TTC39A: variants seen among roughly 807,000 people sequenced by gnomAD.
TTC39A encodes tetratricopeptide repeat domain 39A.
A neutral mutation model predicts 82.3 loss-of-function variants in TTC39A; 46 were observed. The observed-to-expected ratio is 0.56, with a 90% CI of 0.44 to 0.71. TTC39A has a LOEUF of 0.71. Ranked by LOEUF, TTC39A falls within the 30% of genes least tolerant of loss-of-function variation. The pLI is 0.00. For synonymous variants in TTC39A, 254 were observed against 275.2 expected (o/e 0.92, Z 0.76); for missense variants, 543 against 712.9 (o/e 0.76, Z 2.71).
intron 7 of TTC39A, 123 bp from the exon 8 acceptor site, chr1:51,305,269 T>A: frequency 1.1e-6 from 1 of 888,960 alleles, no homozygotes. Flanking sequence ...CCCCTCTAAC[T>A]TTGAAAGCCT....
At chr1:51,330,718 C>G (rs1312809260), upstream of TTC39A, among the ~76,000 whole-genome samples, 2 of 152,020 alleles carry the variant, frequency 1.3e-5, no homozygotes, top group African/African-American at 4.8e-5. The surrounding 1 kb of genome is among the most constrained non-coding windows in gnomAD (Gnocchi z 4.5). Flanking sequence ...GCGGCCCCCA[C>G]CCCCGCTCCG....
At chr1:51,291,628 C>CAAAAAAAA (rs58825279) in intron 14 of TTC39A, among the ~76,000 whole-genome samples, 1 of 49,960 alleles carries the variant, frequency 2.0e-5, no homozygotes, top group Admixed American at 2.5e-4. Context: ...CCATCTCCAC[C>CAAAAAAAA]AAAAAAAAAA....
chr1:51,322,282 TTG>T (rs1645559253), intron 1 of TTC39A: 1 of 1,437,482 alleles, frequency 7.0e-7, no homozygotes, highest in African/African-American at 1.4e-5. Flanking sequence ...ATCCCTGACG[TTG>T]TCACAATGGG....
chr1:51,307,734 C>CAAAA (rs1216098958), intron 6 of TTC39A, among the ~76,000 whole-genome samples: 2 of 75,332 alleles, frequency 2.7e-5, no homozygotes, highest in African/African-American at 4.4e-5. Flanking sequence ...GACTCTGTCT[C>CAAAA]AAAAAAAAAA....
intron 1 of TTC39A, chr1:51,322,216 C>T: frequency 6.6e-7 from 1 of 1,518,754 alleles, no homozygotes; most frequent in Non-Finnish European, 8.8e-7. Flanking sequence ...CCCACAGCCC[C>T]TTTTTCCCTC....
chr1:51,341,185 A>G (rs1027779349), intron 1 of TTC39A, among the ~76,000 whole-genome samples: 5 of 66,710 alleles, frequency 7.5e-5, no homozygotes, highest in African/African-American at 3.2e-4. Context: ...CCGCCCCCCC[A>G]CCCCCCGCCC....
In TTC39A at chr1:51,294,568, G is replaced by A. The variant is rs182237854; in HGVS notation, c.1146-57C>T. On this transcript the variant is annotated intron_variant, in intron 13 of 17. Transcript: ENST00000680483. The surrounding 1 kb of genome is among the most constrained non-coding windows in gnomAD (Gnocchi z 4.3). ...TGAAAAAGAGCAGGAGAGGGCAGAG[G>A]GTCCCCAGCCTACCCAGCTATGCTT... 3,464 of 1,607,436 alleles carry A rather than the reference G, an allele frequency of 2.2e-3. 79 individuals are homozygous for A. The Admixed American group carries it at 0.041, about 19-fold the overall frequency.
At chr1:51,306,898 CAGGCTCCA>C (rs1385752100) in intron 6 of TTC39A, among the ~76,000 whole-genome samples, 1 of 131,326 alleles carries the variant, frequency 7.6e-6, no homozygotes, top group Admixed American at 8.8e-5. Context: ...AGGGTGATGA[CAGGCTCCA>C]AGGAGAAGAG....
intron 14 of TTC39A, among the ~76,000 whole-genome samples, chr1:51,293,453 C>A (rs1012761567): frequency 6.6e-6 from 1 of 152,092 alleles, no homozygotes; most frequent in Non-Finnish European, 1.5e-5. Flanking sequence ...AAATATTGAC[C>A]GTTTCAATTT....
chr1:51,302,985 C>G, intron 9 of TTC39A, 99 bp downstream of exon 9: 2 of 1,102,106 alleles, frequency 1.8e-6, no homozygotes, highest in Non-Finnish European at 2.6e-6. Flanking sequence ...GTACCCCTAT[C>G]CCTAGCCACA....
chr1:51,322,186 G>T, intron 1 of TTC39A: 2 of 1,516,148 alleles, frequency 1.3e-6, no homozygotes, highest in Non-Finnish European at 8.8e-7. Context: ...CCCCCAGGGG[G>T]TGCAGCCCAG....
chr1:51,308,920 G>C (rs988162181), intron 6 of TTC39A, among the ~76,000 whole-genome samples: 3 of 152,180 alleles, frequency 2.0e-5, no homozygotes. Context: ...CAGATGTGTA[G>C]GAGTTCTGCT....
chr1:51,331,351 A>G, upstream of TTC39A: 2 of 1,504,980 alleles, frequency 1.3e-6, no homozygotes, highest in Non-Finnish European at 1.8e-6. Context: ...TGGCACAGAA[A>G]GCCACTGGCC....
chr1:51,308,076 G>A (rs1212525465), intron 6 of TTC39A, among the ~76,000 whole-genome samples: 1 of 152,058 alleles, frequency 6.6e-6, no homozygotes, highest in Non-Finnish European at 1.5e-5. Context: ...GTGGACTACT[G>A]AGCAGGTGTA....
chr1:51,306,409 G>T (rs888054048), intron 6 of TTC39A, among the ~76,000 whole-genome samples: 6 of 152,194 alleles, frequency 3.9e-5, no homozygotes, highest in African/African-American at 1.4e-4. Context: ...GTTGGTGGGG[G>T]TGGCAGGGGA....
chr1:51,297,858 TCTC>T (rs1392251292), intron 12 of TTC39A: 5 of 152,476 alleles, frequency 3.3e-5, no homozygotes, highest in African/African-American at 1.2e-4. Flanking sequence ...TCAGGAGACA[TCTC>T]CTACAATTTC....
intron 1 of TTC39A, among the ~76,000 whole-genome samples, chr1:51,337,530 G>A (rs143529944): frequency 0.032 from 4,808 of 150,902 alleles, 127 homozygotes; most frequent in Non-Finnish European, 0.051. Flanking sequence ...GGGTTCAAGT[G>A]GTTCTCCTGC....
At chr1:51,337,172 T>C (rs1276296970) in intron 1 of TTC39A, among the ~76,000 whole-genome samples, 1 of 152,158 alleles carries the variant, frequency 6.6e-6, no homozygotes, top group Non-Finnish European at 1.5e-5. Context: ...CTATGGCTCA[T>C]GAGGCCCTGC....
intron 11 of TTC39A, 33 bp from the exon 12 acceptor site, chr1:51,301,766 C>T: frequency 2.6e-6 from 4 of 1,547,606 alleles, no homozygotes; most frequent in Admixed American, 1.7e-5. Flanking sequence ...CTGACGGGTG[C>T]CCACCCAGCC....
Sources: gnomAD v4.1 joint callset for allele counts (sites outside exome capture counted in the v4.1 genomes callset) on GRCh38, gnomAD v4.1.1 for gene constraint, Gnocchi (gnomAD v3.1) non-coding constraint, MANE v1.5 for transcripts, NCBI Gene and HGNC (gene_info 2026-07-23, HGNC 2026-07-21) for gene names.